ADAMTS19: variants seen among roughly 807,000 people sequenced by gnomAD.
ADAMTS19 encodes A disintegrin and metalloproteinase with thrombospondin motifs 19.
ADAMTS19 carries 93 observed loss-of-function variants against 153.3 expected under a neutral mutation model. The ratio of observed to expected loss-of-function variants is 0.61; its 90% CI spans 0.51 to 0.72. The LOEUF (loss-of-function observed/expected upper bound fraction) is 0.72. Among genes scored for constraint, ADAMTS19 ranks in the 30% least tolerant of loss-of-function variants. ADAMTS19 has a pLI of 0.00. For synonymous variants in ADAMTS19, 600 were observed against 556.6 expected (o/e 1.08, Z -1.10); for missense variants, 1,482 against 1,552.1 (o/e 0.95, Z 0.76).
Position 129,648,804 on chromosome 5 carries a change from T to C in ADAMTS19, c.2010T>C (p.Asp670=). The C allele has an allele frequency of 6.2e-7, 1 of 1,612,762 alleles. No homozygotes were observed. The highest frequency in any genetic ancestry group is 8.5e-7 in the Non-Finnish European group (1 of 1,179,618). ...SSRERKCPGL[D]SEARDCNGPR... is the part of the protein sequence containing the mutation. ...TTTGTACTTTCTTTTCTAGGCTAGATTCTGAAGCAAGGGATTGTAATGGTC... is the reference window on the plus strand; with the variant it reads ...TTTGTACTTTCTTTTCTAGGCTAGACTCTGAAGCAAGGGATTGTAATGGTC... Residue 670 remains aspartate, a synonymous_variant, in exon 13 of 23, where the codon GAT becomes GAC. Transcript: ENST00000274487.
At position 129,709,707 on chromosome 5, in the gene ADAMTS19, G is replaced by A. The variant is rs141815987; in HGVS notation, c.3312+5316G>A. On this transcript the variant is annotated intron_variant, in intron 21 of 22. Coordinates refer to ENST00000274487, the MANE Select transcript of ADAMTS19 (RefSeq NM_133638.6). ...ACAATTTAACAAAAACATTCCTTACGTACATACTTAAAACAAGTCTAGAAA... is the reference window on the plus strand; with the variant it reads ...ACAATTTAACAAAAACATTCCTTACATACATACTTAAAACAAGTCTAGAAA... Among the ~76,000 whole-genome samples, 504 of 152,126 alleles carry A rather than the reference G, an allele frequency of 3.3e-3. 1 individual carries two copies. The highest frequency in any genetic ancestry group is 5.2e-3 in the Non-Finnish European group (354 of 67,996).
chr5:129,468,208 GCTT>G (rs539928167), intron 2 of ADAMTS19, among the ~76,000 whole-genome samples: 5 of 152,162 alleles, frequency 3.3e-5, no homozygotes, highest in African/African-American at 4.8e-5. Flanking sequence ...GAGAGAGATT[GCTT>G]AATTGTACCC....
Position 129,600,639 on chromosome 5 carries a change from T to C in ADAMTS19, c.1478+3975T>C, listed in dbSNP as rs1222900774. ...TCTTGGGGATGAAAATTTGAGTAAA[T>C]AAAGAGAACCAACAATTTTTCCTTA... On this transcript the variant is annotated intron_variant, in intron 8 of 22. Transcript: ENST00000274487. 3.3e-5 allele frequency among the ~76,000 whole-genome samples: 5 copies of C among 151,950 alleles called. No homozygotes were observed. In the East Asian group the frequency reaches 7.7e-4, roughly 24 times the overall value.
At chr5:129,507,129 C>T (rs1305534394) in intron 2 of ADAMTS19, among the ~76,000 whole-genome samples, 1 of 151,912 alleles carries the variant, frequency 6.6e-6, no homozygotes, top group Non-Finnish European at 1.5e-5. Flanking sequence ...TGTATAGAAT[C>T]ACAAATTTAT....
chr5:129,546,584 T>A (rs1042213198), intron 6 of ADAMTS19, among the ~76,000 whole-genome samples: 1 of 150,978 alleles, frequency 6.6e-6, no homozygotes, highest in African/African-American at 2.5e-5. Context: ...TGAAATGGTA[T>A]CTTCAGTGTG....
chr5:129,510,240 C>T (rs1751394759), intron 3 of ADAMTS19, among the ~76,000 whole-genome samples: 1 of 151,758 alleles, frequency 6.6e-6, no homozygotes, highest in African/African-American at 2.4e-5. Context: ...CAATAAATCA[C>T]ATTTGTAGAG....
At chr5:129,499,020 A>G (rs1751017006) in intron 2 of ADAMTS19, among the ~76,000 whole-genome samples, 1 of 152,092 alleles carries the variant, frequency 6.6e-6, no homozygotes, top group South Asian at 2.1e-4. Context: ...AGGTATATTT[A>G]TAATGAACAT....
At chr5:129,596,704 TA>T in intron 8 of ADAMTS19, 40 bp downstream of exon 8, 2 of 1,403,822 alleles carry the variant, frequency 1.4e-6, no homozygotes, top group Non-Finnish European at 2.0e-6. Context: ...TGTTAGCATA[TA>T]ACTTTGTAAT....
chr5:129,462,017 C>G (rs1289355410), intron 2 of ADAMTS19, among the ~76,000 whole-genome samples: 1 of 152,200 alleles, frequency 6.6e-6, no homozygotes, highest in African/African-American at 2.4e-5. Context: ...CTGCGTGAAA[C>G]TCTGCCTTTT....
chr5:129,668,356 A>G (rs1421324910), intron 16 of ADAMTS19, among the ~76,000 whole-genome samples: 2 of 152,206 alleles, frequency 1.3e-5, no homozygotes, highest in Non-Finnish European at 2.9e-5. Flanking sequence ...CTATAAAAAT[A>G]CCATAGATTA....
intron 16 of ADAMTS19, among the ~76,000 whole-genome samples, chr5:129,677,359 C>G (rs530026291): frequency 5.3e-5 from 8 of 152,084 alleles, no homozygotes; most frequent in African/African-American, 1.7e-4. Flanking sequence ...GCCTGTAATC[C>G]CAGCTACTCG....
intron 3 of ADAMTS19, among the ~76,000 whole-genome samples, chr5:129,522,500 A>G (rs180922841): frequency 1.6e-4 from 24 of 151,246 alleles, no homozygotes; most frequent in African/African-American, 5.6e-4. Context: ...ATATGATATA[A>G]ATAAGGAATA....
intron 16 of ADAMTS19, among the ~76,000 whole-genome samples, chr5:129,668,660 G>C (rs1416526081): frequency 6.6e-6 from 1 of 151,996 alleles, no homozygotes; most frequent in Non-Finnish European, 1.5e-5. Context: ...AAATTATGGG[G>C]GGGGACACAA....
chr5:129,627,731 C>T (rs1025059180), intron 10 of ADAMTS19, among the ~76,000 whole-genome samples: 10 of 151,904 alleles, frequency 6.6e-5, no homozygotes, highest in Non-Finnish European at 1.3e-4. Context: ...CATATCAAAA[C>T]GACAATGAGA....
intron 7 of ADAMTS19, among the ~76,000 whole-genome samples, chr5:129,554,504 C>G (rs1753246237): frequency 6.6e-6 from 1 of 152,046 alleles, no homozygotes; most frequent in South Asian, 2.1e-4. Flanking sequence ...TCATATATGC[C>G]TCCACTGGAT....
At chr5:129,491,987 G>A (rs1011470346) in intron 2 of ADAMTS19, among the ~76,000 whole-genome samples, 2 of 152,084 alleles carry the variant, frequency 1.3e-5, no homozygotes, top group Non-Finnish European at 1.5e-5. Context: ...AGTTGTATTC[G>A]TCTGTTCTTC....
In ADAMTS19 at chr5:129,704,352, T is replaced by C; in HGVS notation, c.3273T>C (p.Tyr1091=). 6.2e-7 allele frequency: 1 copy of C among 1,614,106 alleles called. No homozygotes were observed. Among genetic ancestry groups the C allele is most frequent in the Non-Finnish European group, 8.5e-7 (1 of 1,179,988 alleles). The change falls in exon 21 of 23, where the codon TAT becomes TAC. Residue 1091 remains tyrosine, a synonymous_variant. Transcript: ENST00000274487. ...RPREAEDCED[Y]SKCYVWRMGD... is the part of the protein sequence containing the mutation. The stretch of plus-strand genomic sequence containing the variant: ...GGGAGGCTGAAGACTGTGAGGATTA[T>C]TCAAAATGCTATGTGTGGCGAATGG...
chr5:129,461,647 G>C lies in ADAMTS19; in HGVS notation c.637G>C (p.Ala213Pro). The C allele has an allele frequency of 6.3e-7, 1 of 1,591,442 alleles. No homozygotes were observed. Among genetic ancestry groups the C allele is most frequent in the African/African-American group, 1.3e-5 (1 of 74,218 alleles). Reference sequence around the variant, plus strand: ...TCCCGGCCCCGGCCCCACGGGGGCAGCATCCGCCCCGCAACCTCCCGCGCC... The same window carrying C: ...TCCCGGCCCCGGCCCCACGGGGGCACCATCCGCCCCGCAACCTCCCGCGCC... The part of the protein sequence containing the change: ...PNPGPGPTGA[A>P]SAPQPPAPPD... Residue 213 changes from alanine to proline, a missense_variant, in exon 2 of 23, where the codon GCA becomes CCA. Around this residue, in one of 2 missense-constraint regions of ADAMTS19, gnomAD observed 866 missense variants for 827.7 expected, o/e 1.05. Transcript: ENST00000274487. The surrounding 1 kb of genome is among the most constrained non-coding windows in gnomAD (Gnocchi z 4.6).
At chr5:129,731,593 C>A (rs1255465196) in intron 21 of ADAMTS19, among the ~76,000 whole-genome samples, 11 of 151,826 alleles carry the variant, frequency 7.2e-5, no homozygotes, top group Admixed American at 7.2e-4. Context: ...ACAAATCATA[C>A]AATAGTACAT....
Sources: gnomAD v4.1 joint callset for allele counts (sites outside exome capture counted in the v4.1 genomes callset) on GRCh38, gnomAD v4.1.1 for gene constraint, gnomAD v4.1.1 regional missense constraint, Gnocchi (gnomAD v3.1) non-coding constraint, MANE v1.5 for transcripts, NCBI Gene and HGNC (gene_info 2026-07-23, HGNC 2026-07-21) for gene names.